ZMYM4: variants seen among roughly 807,000 people sequenced by gnomAD.
ZMYM4 encodes zinc finger MYM-type containing 4.
Under a neutral mutation model 183.2 loss-of-function variants are expected in ZMYM4, and 31 were observed. The ratio of observed to expected loss-of-function variants is 0.17; its 90% CI spans 0.13 to 0.23. The LOEUF is 0.23. Ranked by LOEUF, ZMYM4 falls within the 10% of genes least tolerant of loss-of-function variation. ZMYM4 has a pLI of 1.00. For missense variants in ZMYM4, 1,273 were observed against 1,840.3 expected, an observed-to-expected ratio of 0.69 and a Z score of 5.64; for synonymous variants, 592 against 631.2, an observed-to-expected ratio of 0.94 and a Z score of 0.93.
At chr1:35,351,392 A>C in intron 2 of ZMYM4, 1 of 1,572,854 alleles carries the variant, frequency 6.4e-7, no homozygotes, top group Non-Finnish European at 8.7e-7. Context: ...AGTTCTCTCA[A>C]TACATAAAGA....
chr1:35,410,931 T>A (rs1366200162), intron 26 of ZMYM4, among the ~76,000 whole-genome samples: 1 of 151,828 alleles, frequency 6.6e-6, no homozygotes, highest in African/African-American at 2.4e-5. Flanking sequence ...GATTTAATCC[T>A]CTTTTCTTCA....
At chr1:35,283,768 G>GT (rs972668861) in intron 1 of ZMYM4, among the ~76,000 whole-genome samples, 1 of 151,916 alleles carries the variant, frequency 6.6e-6, no homozygotes, top group African/African-American at 2.4e-5. Context: ...CTTTGTGCAT[G>GT]TTTTTTAATT....
chr1:35,388,236 G>T (rs1276833756), intron 13 of ZMYM4, among the ~76,000 whole-genome samples: 1 of 151,992 alleles, frequency 6.6e-6, no homozygotes, highest in African/African-American at 2.4e-5. Context: ...ACAGAGTCTT[G>T]CTTTGTCACC....
At chr1:35,286,079 A>T (rs1640466408) in intron 1 of ZMYM4, among the ~76,000 whole-genome samples, 1 of 152,176 alleles carries the variant, frequency 6.6e-6, no homozygotes, top group Non-Finnish European at 1.5e-5. Flanking sequence ...AAAGCATTCA[A>T]ATTGGACAGG....
At chr1:35,382,741 G>A (rs1400041196) in intron 9 of ZMYM4, among the ~76,000 whole-genome samples, 2 of 152,014 alleles carry the variant, frequency 1.3e-5, no homozygotes, top group Middle Eastern at 3.4e-3. Context: ...GAGCCACCAC[G>A]CCCGGCCAGT....
At chr1:35,337,758 G>A (rs764507931) in intron 2 of ZMYM4, among the ~76,000 whole-genome samples, 1 of 151,934 alleles carries the variant, frequency 6.6e-6, no homozygotes, top group Non-Finnish European at 1.5e-5. Context: ...GGCTAACATG[G>A]CGAAACCCCA....
At chr1:35,310,650 C>A (rs1641750777) in intron 1 of ZMYM4, among the ~76,000 whole-genome samples, 1 of 152,102 alleles carries the variant, frequency 6.6e-6, no homozygotes, top group East Asian at 1.9e-4. Flanking sequence ...ACAATCTCAG[C>A]TCACTGCAAC....
chr1:35,276,689 C>T (rs866372101), intron 1 of ZMYM4, among the ~76,000 whole-genome samples: 2 of 151,958 alleles, frequency 1.3e-5, no homozygotes, highest in African/African-American at 2.4e-5. Flanking sequence ...CTCACTGCAT[C>T]GTCCGTCTCC....
At chr1:35,297,865 A>G (rs940159754) in intron 1 of ZMYM4, among the ~76,000 whole-genome samples, 20 of 152,234 alleles carry the variant, frequency 1.3e-4, no homozygotes, top group African/African-American at 4.3e-4. Flanking sequence ...CCTGTCTCCT[A>G]TGACCACTGC....
At chr1:35,281,144 C>T (rs953966929) in intron 1 of ZMYM4, among the ~76,000 whole-genome samples, 23 of 151,796 alleles carry the variant, frequency 1.5e-4, no homozygotes, top group East Asian at 1.9e-4. Flanking sequence ...ATTAGCCAGG[C>T]GTGGTGGCAC....
At chr1:35,313,046 A>G (rs1481369829) in intron 1 of ZMYM4, among the ~76,000 whole-genome samples, 3 of 152,046 alleles carry the variant, frequency 2.0e-5, no homozygotes, top group Admixed American at 6.6e-5. Flanking sequence ...GGCGAGTGCC[A>G]CCACAGCTGG....
intron 19 of ZMYM4, 61 bp from the exon 20 acceptor site, chr1:35,397,316 C>G: frequency 7.0e-7 from 1 of 1,426,272 alleles, no homozygotes; most frequent in Middle Eastern, 1.9e-4. Flanking sequence ...TCTCACAAAT[C>G]ATACTTTTGG....
At chr1:35,320,341 C>G (rs372852147) in intron 1 of ZMYM4, among the ~76,000 whole-genome samples, 1 of 152,180 alleles carries the variant, frequency 6.6e-6, no homozygotes, top group South Asian at 2.1e-4. Flanking sequence ...AGAAAACTTC[C>G]GGATTGCTGA....
intron 1 of ZMYM4, among the ~76,000 whole-genome samples, chr1:35,277,911 T>C (rs1639951943): frequency 6.6e-6 from 1 of 152,128 alleles, no homozygotes; most frequent in Non-Finnish European, 1.5e-5. Context: ...TTATTTTTGG[T>C]GTTCAATTTG....
At chr1:35,342,240 C>T (rs577688988) in intron 2 of ZMYM4, among the ~76,000 whole-genome samples, 2 of 152,150 alleles carry the variant, frequency 1.3e-5, no homozygotes, top group Admixed American at 1.3e-4. Flanking sequence ...CTGCAGCCCC[C>T]ACCTCTCATG....
chr1:35,300,677 T>A (rs896515202), intron 1 of ZMYM4, among the ~76,000 whole-genome samples: 1 of 152,220 alleles, frequency 6.6e-6, no homozygotes, highest in Admixed American at 6.5e-5. Context: ...AATTTTCTGT[T>A]AGTTCCATTC....
chr1:35,288,900 G>A (rs979426448), intron 1 of ZMYM4, among the ~76,000 whole-genome samples: 3 of 152,130 alleles, frequency 2.0e-5, no homozygotes, highest in African/African-American at 7.2e-5. Flanking sequence ...TCTCCTTCCT[G>A]CTCAGATTTA....
intron 2 of ZMYM4, among the ~76,000 whole-genome samples, chr1:35,330,098 C>G (rs1357277859): frequency 6.6e-6 from 1 of 151,736 alleles, no homozygotes; most frequent in Non-Finnish European, 1.5e-5. Flanking sequence ...GCCTGTAGTC[C>G]CAGCTGCTTG....
intron 13 of ZMYM4, among the ~76,000 whole-genome samples, chr1:35,388,387 TAG>T (rs1644627627): frequency 1.3e-5 from 2 of 152,268 alleles, no homozygotes; most frequent in East Asian, 3.9e-4. Flanking sequence ...GTATTTTTAG[TAG>T]AGACAGGGCT....
Sources: gnomAD v4.1 joint callset for allele counts (sites outside exome capture counted in the v4.1 genomes callset) on GRCh38, gnomAD v4.1.1 for gene constraint, MANE v1.5 for transcripts, NCBI Gene and HGNC (gene_info 2026-07-23, HGNC 2026-07-21) for gene names.